TIMELESS: variants seen among roughly 807,000 people sequenced by gnomAD.
TIMELESS encodes the protein protein timeless homolog.
A neutral mutation model predicts 164.3 loss-of-function variants in TIMELESS; 124 were observed. That is an observed-to-expected ratio of 0.75 (90% CI 0.65 to 0.88). The LOEUF (loss-of-function observed/expected upper bound fraction) is 0.88. Among genes scored for constraint, TIMELESS ranks in the 40% least tolerant of loss-of-function variants. TIMELESS has a pLI of 0.00. For missense variants in TIMELESS, 1,422 were observed against 1,491.4 expected, an observed-to-expected ratio of 0.95 and a Z score of 0.77; for synonymous variants, 564 against 563.4, an observed-to-expected ratio of 1.00 and a Z score of -0.02.
At chr12:56,434,519 C>G (rs961450658) in intron 1 of TIMELESS, among the ~76,000 whole-genome samples, 1 of 152,144 alleles carries the variant, frequency 6.6e-6, no homozygotes, top group Non-Finnish European at 1.5e-5. Flanking sequence ...AGGCAGATCA[C>G]CTGAGGTTGG....
chr12:56,420,048 A>ATATATATATATATATATG lies in TIMELESS; in HGVS notation c.3228+520_3228+521insCATATATATATATATATA, dbSNP rs1473074484. Among the ~76,000 whole-genome samples, 42 of 87,266 alleles carry ATATATATATATATATATG rather than the reference A, an allele frequency of 4.8e-4. 1 individual carries two copies. Among genetic ancestry groups the ATATATATATATATATATG allele is most frequent in the Middle Eastern group, 6.1e-3 (1 of 164 alleles). The allele number at this position is 87,266 out of a possible 152,430, so 57.2% of individuals were successfully genotyped here. A position where few individuals can be genotyped will look rare whatever the true frequency, so the allele number is the denominator to read the frequency against. ...AAAAAAAATATATATATATATATAT[A>ATATATATATATATATATG]TGTGTGTGTGTGTGTGTGTGTGTAT... On this transcript the variant is annotated intron_variant, in intron 26 of 28. Transcript: ENST00000553532.
In TIMELESS at chr12:56,421,398, G is replaced by A. The variant is rs543038534; in HGVS notation, c.2821C>T (p.Arg941Trp). Reference sequence around the variant, plus strand: ...TTCTGCCGTTTCTTGTACAGCTCCCGCCGCTCAGCCACCAGCCCCAGAGCC... The same window carrying A: ...TTCTGCCGTTTCTTGTACAGCTCCCACCGCTCAGCCACCAGCCCCAGAGCC... ...LLALGLVAER[R>W]ELYKKRQKKL... Residue 941 changes from arginine to tryptophan, a missense_variant, in exon 23 of 29, where the codon CGG becomes TGG. Transcript: ENST00000553532. The A allele has an allele frequency of 1.5e-5, 24 of 1,613,914 alleles. No homozygotes were observed. Among genetic ancestry groups the A allele is most frequent in the African/African-American group, 2.7e-5 (2 of 74,872 alleles).
At chr12:56,427,191 T>G (rs1269882572) in intron 13 of TIMELESS, among the ~76,000 whole-genome samples, 1 of 152,126 alleles carries the variant, frequency 6.6e-6, no homozygotes, top group Non-Finnish European at 1.5e-5. Flanking sequence ...GGCATGATCT[T>G]GGCCTACTGC....
Position 56,423,907 on chromosome 12 carries a change from T to C in TIMELESS, c.1869-13A>G, listed in dbSNP as rs781319265. ...AGGCCACACCTCCCTGGAGCACAGA[T>C]AGAAAAAAGGCTTTACCCAGGGGAA... On this transcript the variant is annotated splice_polypyrimidine_tract_variant and intron_variant, in intron 15 of 28. Coordinates refer to ENST00000553532, the MANE Select transcript of TIMELESS (RefSeq NM_003920.5). 61 of 1,611,070 alleles carry C rather than the reference T, an allele frequency of 3.8e-5. No individual in the cohort carries two copies. Among genetic ancestry groups the C allele is most frequent in the South Asian group, 2.8e-4 (25 of 90,890 alleles).
At chr12:56,437,636 A>G (rs1479684046) in intron 1 of TIMELESS, among the ~76,000 whole-genome samples, 1 of 152,192 alleles carries the variant, frequency 6.6e-6, no homozygotes, top group African/African-American at 2.4e-5. Context: ...AAGCAAGATA[A>G]AAGGCAGAAG....
At position 56,434,114 on chromosome 12, in the gene TIMELESS, G is replaced by A; in HGVS notation, c.57C>T (p.Tyr19=). Residue 19 remains tyrosine, a synonymous_variant, in exon 2 of 29, where the codon TAC becomes TAT. Coordinates refer to ENST00000553532, the MANE Select transcript of TIMELESS (RefSeq NM_003920.5). ...ELLATCSALG[Y]LEGDTYHKEP... The stretch of plus-strand genomic sequence containing the variant: ...CCTTATGGTAAGTGTCTCCCTCCAA[G>A]TACCCAAGGGCACTACATGTGGCTA... 1.2e-6 allele frequency: 2 copies of A among 1,614,128 alleles called. No individual in the cohort carries two copies. Among genetic ancestry groups the A allele is most frequent in the Non-Finnish European group, 1.7e-6 (2 of 1,180,038 alleles).
At chr12:56,420,046 A>ATGTG (rs1349817695) in intron 26 of TIMELESS, among the ~76,000 whole-genome samples, 5 of 88,162 alleles carry the variant, frequency 5.7e-5, no homozygotes, top group African/African-American at 2.0e-4. Context: ...ATATATATAT[A>ATGTG]TATGTGTGTG....
At chr12:56,419,720 T>C (rs573293367) in intron 26 of TIMELESS, among the ~76,000 whole-genome samples, 4 of 151,920 alleles carry the variant, frequency 2.6e-5, no homozygotes, top group African/African-American at 9.7e-5. Flanking sequence ...TGACCCTCCA[T>C]ATCCACAAGT....
At chr12:56,426,408 CAG>C (rs1881680108) in intron 13 of TIMELESS, among the ~76,000 whole-genome samples, 1 of 132,462 alleles carries the variant, frequency 7.5e-6, no homozygotes, top group African/African-American at 2.8e-5. Context: ...TTTTTTAAGA[CAG>C]AATTTCACTC....
intron 10 of TIMELESS, 126 bp downstream of exon 10, chr12:56,429,979 C>T: frequency 2.4e-6 from 2 of 846,166 alleles, no homozygotes; most frequent in Non-Finnish European, 3.5e-6. Context: ...ATATCCTTCC[C>T]ACCTACGAGT....
intron 6 of TIMELESS, among the ~76,000 whole-genome samples, chr12:56,432,750 T>C (rs3782237): frequency 0.55 from 82,958 of 150,998 alleles, 23,549 homozygotes; most frequent in African/African-American, 0.64. Context: ...CGAGGCCATC[T>C]TAGCTAACAT....
rs574933916 is a variant in TIMELESS at position 56,423,665 on chromosome 12, T to TC, written c.2008dup (p.Glu670GlyfsTer21). On this transcript the variant is annotated frameshift_variant, in exon 17 of 29. Transcript: ENST00000553532. LOFTEE classifies it high-confidence loss of function. ...CTCCTCCTCTTCCTCCTCCTCCTCC[T>TC]CTTCTTCTTCCTCTGCCCCACGTTC... 410 of 1,613,758 alleles carry TC rather than the reference T, an allele frequency of 2.5e-4. 1 individual carries two copies. The East Asian group carries it at 2.6e-3, about 10-fold the overall frequency.
intron 1 of TIMELESS, among the ~76,000 whole-genome samples, chr12:56,435,678 G>A (rs1427203405): frequency 6.6e-6 from 1 of 152,192 alleles, no homozygotes; most frequent in South Asian, 2.1e-4. Flanking sequence ...GCTGGGCGTT[G>A]GCCGGGCACG....
Position 56,430,284 on chromosome 12 carries a change from G to C in TIMELESS, c.910-3C>G. The C allele has an allele frequency of 1.2e-6, 2 of 1,611,462 alleles. No homozygotes were observed. The highest frequency in any genetic ancestry group is 1.7e-6 in the Non-Finnish European group (2 of 1,178,662). On this transcript the variant is annotated splice_region_variant and splice_polypyrimidine_tract_variant and intron_variant, in intron 9 of 28. Coordinates refer to ENST00000553532, the MANE Select transcript of TIMELESS (RefSeq NM_003920.5). ...AAATCTGAACTGTAGTTTCGTAGCT[G>C]GGTGTGTCGGTTGGGGGATTAGAAT... is the stretch of plus-strand genomic sequence containing the variant.
chr12:56,438,598 C>T (rs1211910468), intron 1 of TIMELESS, among the ~76,000 whole-genome samples: 1 of 151,488 alleles, frequency 6.6e-6, no homozygotes, highest in Non-Finnish European at 1.5e-5. Context: ...ATAGTGAGAC[C>T]TCGTCTCTAC....
intron 15 of TIMELESS, among the ~76,000 whole-genome samples, chr12:56,424,529 T>C (rs553345382): frequency 1.3e-5 from 2 of 152,336 alleles, no homozygotes; most frequent in South Asian, 4.1e-4. Context: ...TTATTGATGA[T>C]GTCAAGTGAG....
At chr12:56,420,727 G>C in intron 25 of TIMELESS, 40 bp from the exon 26 acceptor site, 2 of 1,613,514 alleles carry the variant, frequency 1.2e-6, no homozygotes, top group Non-Finnish European at 1.7e-6. Flanking sequence ...AGATATAAGG[G>C]AAGAACTGGT....
At chr12:56,445,422 CAAAAAAAAAAAAAAAAAA>C (rs71081360) in intron 1 of TIMELESS, among the ~76,000 whole-genome samples, 6 of 18,716 alleles carry the variant, frequency 3.2e-4, no homozygotes, top group African/African-American at 5.2e-4. Context: ...AACTCCACGT[CAAAAAAAAAAAAAAAAAA>C]AAAAAAAAAA....
At position 56,442,013 on chromosome 12, in the gene TIMELESS, G is replaced by A. The variant is rs182915259; in HGVS notation, c.-62+7297C>T. On this transcript the variant is annotated intron_variant, in intron 1 of 28. Transcript: ENST00000553532. ...GCAGGAGAATCACTTGAACCAGGGAGGTGGAGGTTACAGTGAGTTGAGATC... is the reference window on the plus strand; with the variant it reads ...GCAGGAGAATCACTTGAACCAGGGAAGTGGAGGTTACAGTGAGTTGAGATC... 1.3e-4 allele frequency among the ~76,000 whole-genome samples: 20 copies of A among 151,058 alleles called. No homozygotes were observed. The East Asian group carries it at 3.3e-3, about 25-fold the overall frequency.
Sources: allele counts gnomAD v4.1 joint callset (sites outside exome capture counted in the v4.1 genomes callset), GRCh38; gene constraint gnomAD v4.1.1; transcripts MANE v1.5; gene names NCBI Gene and HGNC (gene_info 2026-07-23, HGNC 2026-07-21).